ERI3: variants seen among roughly 807,000 people sequenced by gnomAD.
The protein encoded by ERI3 is ERI1 exoribonuclease family member 3, also known as ERI1 exoribonuclease 3.
A neutral mutation model predicts 44.4 loss-of-function variants in ERI3; 18 were observed. The ratio of observed to expected loss-of-function variants is 0.41; its 90% confidence interval spans 0.28 to 0.60. The LOEUF (loss-of-function observed/expected upper bound fraction) is 0.60, where lower values mean the gene tolerates loss of function less well. Among genes scored for constraint, ERI3 ranks in the 20% least tolerant of loss-of-function variants. The pLI is 0.36. For missense variants in ERI3, 294 were observed against 435.5 expected, an observed-to-expected ratio of 0.68 and a Z score of 2.89; for synonymous variants, 183 against 164.8, an observed-to-expected ratio of 1.11 and a Z score of -0.84.
intron 6 of ERI3, among the ~76,000 whole-genome samples, chr1:44,303,784 G>A (rs532250744): frequency 6.6e-6 from 1 of 152,234 alleles, no homozygotes; most frequent in South Asian, 2.1e-4. Flanking sequence ...GGCAAACCTT[G>A]AAAGGTATTA....
intron 2 of ERI3, among the ~76,000 whole-genome samples, chr1:44,350,502 T>A (rs1337088496): frequency 1.3e-5 from 2 of 152,160 alleles, no homozygotes; most frequent in South Asian, 4.1e-4. Context: ...CCTCAAGTGA[T>A]CCACCCACCT....
At chr1:44,284,611 G>A (rs1299045872) in intron 7 of ERI3, among the ~76,000 whole-genome samples, 1 of 152,190 alleles carries the variant, frequency 6.6e-6, no homozygotes, top group Non-Finnish European at 1.5e-5. Flanking sequence ...ACCAACTAGG[G>A]CAGTGTCATA....
At chr1:44,331,990 G>A (rs948300759) in intron 3 of ERI3, among the ~76,000 whole-genome samples, 1 of 152,146 alleles carries the variant, frequency 6.6e-6, no homozygotes, top group Admixed American at 6.5e-5. Context: ...ACAAATGTCT[G>A]CCCTCCTTGA....
intron 6 of ERI3, among the ~76,000 whole-genome samples, chr1:44,294,669 C>T (rs959332189): frequency 3.3e-5 from 5 of 152,248 alleles, no homozygotes; most frequent in Admixed American, 2.6e-4. Flanking sequence ...ATGGCAGAAG[C>T]CCCAGTAGGG....
intron 7 of ERI3, among the ~76,000 whole-genome samples, chr1:44,267,497 G>C (rs985195007): frequency 1.3e-5 from 2 of 152,178 alleles, no homozygotes; most frequent in African/African-American, 4.8e-5. Flanking sequence ...GAGGGCGTTG[G>C]ACAGATAATG....
chr1:44,335,314 C>A (rs2154330793), intron 3 of ERI3, among the ~76,000 whole-genome samples: 1 of 150,882 alleles, frequency 6.6e-6, no homozygotes, highest in African/African-American at 2.4e-5. Flanking sequence ...TGTGATCACA[C>A]ACTGCACTCC....
intron 7 of ERI3, among the ~76,000 whole-genome samples, chr1:44,272,897 G>A (rs182692141): frequency 1.0e-3 from 156 of 149,190 alleles, no homozygotes; most frequent in African/African-American, 3.8e-3. Flanking sequence ...ACAAATCCAC[G>A]TTAAAAAAAC....
rs752921341 is a variant in ERI3, at chr1:44,354,997, C to T, written c.30G>A (p.Gly10=). The change falls in exon 1 of 9, where the codon GGG becomes GGA. Residue 10 remains glycine, a synonymous_variant. Transcript: ENST00000372257. The part of the protein sequence containing the change: MATASPAAD[G]GRGRPWEGGL... ...CTCCTTCCCAGGGCCGCCCCCGCCC[C>T]CCGTCAGCAGCGGGAGAGGCTGTCG... 7 of 1,379,518 alleles carry T rather than the reference C, an allele frequency of 5.1e-6. No homozygotes were observed. The highest frequency in any genetic ancestry group is 6.6e-6 in the Non-Finnish European group (7 of 1,061,560). The allele number at this position is 1,379,518 out of a possible 1,614,324, so 85.5% of individuals were successfully genotyped here. A position where few individuals can be genotyped will look rare whatever the true frequency, so the allele number is the denominator to read the frequency against.
At chr1:44,311,937 T>C (rs1645981631) in intron 5 of ERI3, among the ~76,000 whole-genome samples, 1 of 151,778 alleles carries the variant, frequency 6.6e-6, no homozygotes, top group Non-Finnish European at 1.5e-5. Flanking sequence ...CTGGGAAGCA[T>C]CTCAGAGCTC....
rs4660781 is a variant in ERI3 at position 44,235,092 on chromosome 1, A to G, written c.931+12847T>C. Among the ~76,000 whole-genome samples the G allele has an allele frequency of 0.033, 5,093 of 152,302 alleles. 111 individuals carry two copies. The highest frequency in any genetic ancestry group is 0.051 in the Middle Eastern group (15 of 294). On this transcript the variant is annotated intron_variant, in intron 8 of 8. Transcript: ENST00000372257. The surrounding 1 kb of genome is among the most constrained non-coding windows in gnomAD (Gnocchi z 4.6). ...GTCAAAAATTAAAACCACCACCACC[A>G]GCACCACTTCCAGTGGCTCCTCACT...
intron 7 of ERI3, among the ~76,000 whole-genome samples, chr1:44,280,946 A>T (rs1645271767): frequency 6.6e-6 from 1 of 152,214 alleles, no homozygotes; most frequent in Non-Finnish European, 1.5e-5. Flanking sequence ...GGAACTATTC[A>T]GAGCGATGGG....
chr1:44,338,241 T>G lies in ERI3; in HGVS notation c.489+804A>C, dbSNP rs111874870. Among the ~76,000 whole-genome samples, 1,078 of 152,242 alleles carry G rather than the reference T, an allele frequency of 7.1e-3. 15 individuals carry two copies. The highest frequency in any genetic ancestry group is 0.025 in the African/African-American group (1,021 of 41,528). ...AACCTGTGGCTTAAAACATCAATAA[T>G]CATTTGTTATCCCTCACAGTTCCTG... is the stretch of plus-strand genomic sequence containing the variant. On this transcript the variant is annotated intron_variant, in intron 3 of 8. Transcript: ENST00000372257.
At chr1:44,348,031 A>G (rs1347017868) in intron 2 of ERI3, among the ~76,000 whole-genome samples, 1 of 152,198 alleles carries the variant, frequency 6.6e-6, no homozygotes, top group Non-Finnish European at 1.5e-5. Flanking sequence ...GACCAGGCAC[A>G]AAGTAAGCAA....
intron 2 of ERI3, among the ~76,000 whole-genome samples, chr1:44,344,281 T>A (rs1646742461): frequency 7.0e-6 from 1 of 142,892 alleles, no homozygotes. Context: ...ATAAATAAAA[T>A]TGTTTTTTAA....
At chr1:44,349,751 C>T (rs971209541) in intron 2 of ERI3, among the ~76,000 whole-genome samples, 28 of 152,318 alleles carry the variant, frequency 1.8e-4, no homozygotes, top group African/African-American at 6.7e-4. Context: ...AATCCTTCAG[C>T]CAACTCGATT....
chr1:44,244,250 C>T (rs1644505014), intron 8 of ERI3: 1 of 153,202 alleles, frequency 6.5e-6, no homozygotes, highest in Non-Finnish European at 1.5e-5. Flanking sequence ...CTCACCACAA[C>T]CTGCTCTGGC....
intron 5 of ERI3, among the ~76,000 whole-genome samples, chr1:44,310,901 TG>T (rs1645941280): frequency 6.6e-6 from 1 of 151,346 alleles, no homozygotes; most frequent in African/African-American, 2.4e-5. Context: ...GATCTTCCAC[TG>T]CTAAATGGTC....
intron 6 of ERI3, among the ~76,000 whole-genome samples, chr1:44,301,793 C>T (rs1411796820): frequency 6.6e-6 from 1 of 152,162 alleles, no homozygotes; most frequent in Non-Finnish European, 1.5e-5. Context: ...CTTTGGCTAT[C>T]CAAGTTTCCG....
chr1:44,304,527 C>A (rs1254432962), intron 6 of ERI3, among the ~76,000 whole-genome samples: 1 of 152,134 alleles, frequency 6.6e-6, no homozygotes, highest in African/African-American at 2.4e-5. Flanking sequence ...GAGGACTCAG[C>A]CCGACCCGCA....
Sources: gnomAD v4.1 joint callset for allele counts (sites outside exome capture counted in the v4.1 genomes callset) on GRCh38, gnomAD v4.1.1 for gene constraint, Gnocchi (gnomAD v3.1) non-coding constraint, MANE v1.5 for transcripts, NCBI Gene and HGNC (gene_info 2026-07-23, HGNC 2026-07-21) for gene names.